PRKG1: variants seen among roughly 807,000 people sequenced by gnomAD.
The protein encoded by PRKG1 is protein kinase cGMP-dependent 1.
In PRKG1, 35 loss-of-function variants were observed where a neutral mutation model predicts 88.1. The observed-to-expected ratio is 0.40, with a 90% CI of 0.30 to 0.53. The LOEUF (loss-of-function observed/expected upper bound fraction) is 0.53, where lower values mean the gene tolerates loss of function less well. Ranked by LOEUF, PRKG1 falls within the 20% of genes least tolerant of loss-of-function variation. The pLI is 0.59. For missense variants in PRKG1, 540 were observed against 839.8 expected (o/e 0.64, Z 4.41); for synonymous variants, 303 against 292.5 (o/e 1.04, Z -0.37).
Position 52,290,242 on chromosome 10 carries a change from C to T in PRKG1, c.1914C>T (p.Asn638=). 2 of 1,612,914 alleles carry T rather than the reference C, an allele frequency of 1.2e-6. No individual in the cohort carries two copies. The highest frequency in any genetic ancestry group is 2.2e-5 in the East Asian group (1 of 44,762). Residue 638 remains asparagine, a synonymous_variant, in exon 17 of 18, where the codon AAC becomes AAT. Transcript: ENST00000373980. ...TTTCTAGATGGTTTGAGGGCTTTAACTGGGAAGGCTTAAGAAAAGGTACCT... is the reference window on the plus strand; with the variant it reads ...TTTCTAGATGGTTTGAGGGCTTTAATTGGGAAGGCTTAAGAAAAGGTACCT... ...IQKHKWFEGF[N]WEGLRKGTLT...
chr10:51,395,450 G>T (rs1333643489), intron 2 of PRKG1, among the ~76,000 whole-genome samples: 2 of 152,200 alleles, frequency 1.3e-5, no homozygotes, highest in Non-Finnish European at 2.9e-5. Context: ...TCTTATGCCT[G>T]CCCTGGTTCA....
At chr10:51,835,069 T>C (rs1336658494) in intron 4 of PRKG1, among the ~76,000 whole-genome samples, 3 of 152,266 alleles carry the variant, frequency 2.0e-5, no homozygotes, top group Non-Finnish European at 4.4e-5. Context: ...AAACTCCAAG[T>C]GTCCAGATTA....
intron 1 of PRKG1, among the ~76,000 whole-genome samples, chr10:51,046,853 C>G (rs1843495278): frequency 6.6e-6 from 1 of 152,148 alleles, no homozygotes; most frequent in Non-Finnish European, 1.5e-5. Context: ...ATTCATGCCT[C>G]TAGTTGGCAG....
At chr10:51,169,061 A>T (rs919952297) in intron 2 of PRKG1, among the ~76,000 whole-genome samples, 1 of 152,194 alleles carries the variant, frequency 6.6e-6, no homozygotes, top group Non-Finnish European at 1.5e-5. Flanking sequence ...ACAGTTCTAA[A>T]GGAATAAAGG....
chr10:51,535,757 C>T (rs1181411266), intron 3 of PRKG1, among the ~76,000 whole-genome samples: 3 of 148,302 alleles, frequency 2.0e-5, no homozygotes, highest in African/African-American at 7.5e-5. Context: ...CGGAGTCTCA[C>T]GCTGTTGCCC....
chr10:51,215,789 A>G (rs1838357230), intron 2 of PRKG1, among the ~76,000 whole-genome samples: 1 of 152,184 alleles, frequency 6.6e-6, no homozygotes, highest in East Asian at 1.9e-4. Context: ...TGTCTATAGA[A>G]CTGGAAATTC....
chr10:51,924,780 A>T, intron 5 of PRKG1, among the ~76,000 whole-genome samples: 1 of 147,646 alleles, frequency 6.8e-6, no homozygotes. Flanking sequence ...TTATTTATAT[A>T]CTTTCAAGCT....
chr10:51,730,753 C>G (rs1035292638), intron 3 of PRKG1, among the ~76,000 whole-genome samples: 1 of 152,200 alleles, frequency 6.6e-6, no homozygotes, highest in East Asian at 1.9e-4. Context: ...TGCAGCACTG[C>G]CTGGGAGGCA....
intron 2 of PRKG1, among the ~76,000 whole-genome samples, chr10:51,178,376 C>T (rs1043447574): frequency 3.3e-5 from 5 of 152,154 alleles, no homozygotes; most frequent in Non-Finnish European, 4.4e-5. Context: ...CGGTGGCTCA[C>T]ACCTCCAATC....
At chr10:51,598,300 G>C (rs1838508494) in intron 3 of PRKG1, among the ~76,000 whole-genome samples, 1 of 152,000 alleles carries the variant, frequency 6.6e-6, no homozygotes, top group Non-Finnish European at 1.5e-5. Flanking sequence ...TTGAGAGAGA[G>C]TCTTGCTCTA....
intron 9 of PRKG1, among the ~76,000 whole-genome samples, chr10:52,202,108 G>A (rs1460688938): frequency 6.6e-6 from 1 of 152,016 alleles, no homozygotes; most frequent in African/African-American, 2.4e-5. Context: ...TAGGAGTGGT[G>A]AGAATTAGCA....
chr10:52,094,018 G>T (rs1847117153), intron 7 of PRKG1, among the ~76,000 whole-genome samples: 1 of 152,126 alleles, frequency 6.6e-6, no homozygotes, highest in African/African-American at 2.4e-5. Flanking sequence ...AAATTGGAGA[G>T]TTGTTATTTA....
In PRKG1 at chr10:51,843,084, A is replaced by G. The variant is rs191134083; in HGVS notation, c.698+38394A>G. On this transcript the variant is annotated intron_variant, in intron 4 of 17. Transcript: ENST00000373980. ...AAATTTATTTTTATTTAAATTTAGG[A>G]AAATTATTCTTTTTTTTTTTTTTTT... Among the ~76,000 whole-genome samples, 336 of 144,556 alleles carry G rather than the reference A, an allele frequency of 2.3e-3. 1 individual carries two copies. The highest frequency in any genetic ancestry group is 8.1e-3 in the African/African-American group (321 of 39,546). 94.8% of individuals were successfully genotyped at this position (144,556 alleles called of 152,430 possible). A position where few individuals can be genotyped will look rare whatever the true frequency, so the allele number is the denominator to read the frequency against.
At chr10:51,974,625 T>A (rs1189355269) in intron 5 of PRKG1, among the ~76,000 whole-genome samples, 1 of 152,158 alleles carries the variant, frequency 6.6e-6, no homozygotes, top group Non-Finnish European at 1.5e-5. Flanking sequence ...TTTGTTTACC[T>A]AAAGACCCCT....
intron 5 of PRKG1, among the ~76,000 whole-genome samples, chr10:52,020,599 T>C (rs1845158344): frequency 6.6e-6 from 1 of 152,074 alleles, no homozygotes; most frequent in Non-Finnish European, 1.5e-5. Context: ...TCAAGAGTGG[T>C]GTTTAACCTT....
intron 2 of PRKG1, among the ~76,000 whole-genome samples, chr10:51,307,656 T>C (rs879798790): frequency 1.3e-5 from 2 of 152,194 alleles, no homozygotes; most frequent in Non-Finnish European, 2.9e-5. Context: ...CAATAAGCAT[T>C]AGACCAAATA....
At chr10:52,011,961 T>A (rs1458918573) in intron 5 of PRKG1, among the ~76,000 whole-genome samples, 1 of 152,170 alleles carries the variant, frequency 6.6e-6, no homozygotes, top group African/African-American at 2.4e-5. Context: ...GACTTGCTCC[T>A]CCTTGCCTTT....
intron 14 of PRKG1, among the ~76,000 whole-genome samples, chr10:52,288,459 C>T (rs112640694): frequency 1.3e-4 from 20 of 152,070 alleles, no homozygotes; most frequent in African/African-American, 4.6e-4. Context: ...TCTTGAATGA[C>T]CAAGGACAGC....
intron 3 of PRKG1, among the ~76,000 whole-genome samples, chr10:51,728,458 T>G (rs1411393029): frequency 3.3e-5 from 3 of 90,426 alleles, no homozygotes; most frequent in Non-Finnish European, 7.3e-5. Flanking sequence ...TCTTTGTTTT[T>G]TTTTTTTTTT....
Sources: gnomAD v4.1 joint callset for allele counts (sites outside exome capture counted in the v4.1 genomes callset) on GRCh38, gnomAD v4.1.1 for gene constraint, MANE v1.5 for transcripts, NCBI Gene and HGNC (gene_info 2026-07-23, HGNC 2026-07-21) for gene names.